KDF1: variants seen among roughly 807,000 people sequenced by gnomAD.
KDF1 encodes the protein RP11-344H11.3.
A neutral mutation model predicts 31.6 loss-of-function variants in KDF1; 11 were observed. The observed-to-expected ratio is 0.35, with a 90% CI of 0.22 to 0.58. KDF1 has a LOEUF of 0.58. KDF1 is among the 20% of genes least tolerant of loss of function. The pLI is 0.83. For missense variants in KDF1, 476 were observed against 549.1 expected, an observed-to-expected ratio of 0.87 and a Z score of 1.33; for synonymous variants, 205 against 214.4, an observed-to-expected ratio of 0.96 and a Z score of 0.38.
At chr1:26,955,897 G>A (rs1406561699) in intron 1 of KDF1, among the ~76,000 whole-genome samples, 1 of 152,230 alleles carries the variant, frequency 6.6e-6, no homozygotes, top group Admixed American at 6.5e-5. Flanking sequence ...GGAGGTTGCA[G>A]TGAGCCCAGA....
chr1:26,953,616 G>C (rs1173563214), intron 1 of KDF1, among the ~76,000 whole-genome samples: 1 of 152,194 alleles, frequency 6.6e-6, no homozygotes, highest in African/African-American at 2.4e-5. Flanking sequence ...CTGCAACATG[G>C]ATGAACCTTG....
At chr1:26,955,151 C>T (rs575698395) in intron 1 of KDF1, among the ~76,000 whole-genome samples, 3 of 152,252 alleles carry the variant, frequency 2.0e-5, no homozygotes, top group African/African-American at 7.2e-5. Flanking sequence ...AGCCACTGCA[C>T]CCAGCCTACT....
Position 26,949,671 on chromosome 1 carries a change from C to T in KDF1, c.*398G>A. ...AGTGGGCCCTGCCCACCCCCCAATACAATACATTTAAGATAAGCTTCTTTT... is the reference window on the plus strand; with the variant it reads ...AGTGGGCCCTGCCCACCCCCCAATATAATACATTTAAGATAAGCTTCTTTT... On this transcript the variant is annotated 3_prime_UTR_variant, in exon 4 of 4. Transcript: ENST00000320567. 4.5e-6 allele frequency: 1 copy of T among 219,976 alleles called. No homozygotes were observed. Among genetic ancestry groups the T allele is most frequent in the Non-Finnish European group, 9.2e-6 (1 of 109,242 alleles). 13.6% of individuals were successfully genotyped at this position (219,976 alleles called of 1,614,324 possible). A position where few individuals can be genotyped will look rare whatever the true frequency, so the allele number is the denominator to read the frequency against.
In KDF1 at chr1:26,950,975, A is replaced by T. The variant is rs951502131; in HGVS notation, c.1040-219T>A. 2.6e-5 allele frequency among the ~76,000 whole-genome samples: 4 copies of T among 152,152 alleles called. No individual in the cohort carries two copies. The highest frequency in any genetic ancestry group is 4.4e-5 in the Non-Finnish European group (3 of 68,020). On this transcript the variant is annotated intron_variant, in intron 2 of 3. Coordinates refer to ENST00000320567, the MANE Select transcript of KDF1 (RefSeq NM_152365.3). The surrounding 1 kb of genome is among the most constrained non-coding windows in gnomAD (Gnocchi z 4.0). ...CAGAACAGGTCAGAGGCCCAAATTCATGTGGGTCCCTAGGTCCTGTTCACC... is the reference window on the plus strand; with the variant it reads ...CAGAACAGGTCAGAGGCCCAAATTCTTGTGGGTCCCTAGGTCCTGTTCACC...
Position 26,951,495 on chromosome 1 carries a change from G to A in KDF1, c.886C>T (p.Arg296Cys), listed in dbSNP as rs1468559178. 4 of 1,613,440 alleles carry A rather than the reference G, an allele frequency of 2.5e-6. No individual in the cohort carries two copies. The highest frequency in any genetic ancestry group is 2.2e-5 in the East Asian group (1 of 44,870). ...YHLDEQDAEG[R>C]LVRGIIRIST... ...ATGCGAATGATGCCGCGTACCAGGC[G>A]GCCCTCAGCATCCTGCTCATCCAGG... is the stretch of plus-strand genomic sequence containing the variant. Residue 296 changes from arginine to cysteine, a missense_variant, in exon 2 of 4, where the codon CGC (arginine) becomes TGC (cysteine). Arg to Cys is a radical substitution (Grantham distance 180). Coordinates refer to ENST00000320567, the MANE Select transcript of KDF1 (RefSeq NM_152365.3). This position sits in a 1 kb window ranked among gnomAD's most constrained non-coding sequence, Gnocchi z 5.4.
In KDF1 at chr1:26,950,286, A is replaced by G. The variant is rs929993692; in HGVS notation, c.1115-135T>C. ...GGGTCAGTCTGATCCTGGCTGGATG[A>G]CCCACTCAGTTTATTGACCTCTCTG... On this transcript the variant is annotated intron_variant, in intron 3 of 3. Transcript: ENST00000320567. This position sits in a 1 kb window ranked among gnomAD's most constrained non-coding sequence, Gnocchi z 4.0. The G allele has an allele frequency of 7.8e-6, 6 of 768,290 alleles. No homozygotes were observed. Among genetic ancestry groups the G allele is most frequent in the East Asian group, 7.8e-5 (3 of 38,500 alleles). 47.6% of individuals were successfully genotyped at this position (768,290 alleles called of 1,614,324 possible). A position where few individuals can be genotyped will look rare whatever the true frequency, so the allele number is the denominator to read the frequency against.
Position 26,952,597 on chromosome 1 carries a change from G to GCC in KDF1, c.-32-186_-32-185insGG. ...GTATGCCCAAAAACCCTTATCTCTTGTGGCCCTCCCTCCACAAAGAGAAAG... is the reference window on the plus strand; with the variant it reads ...GTATGCCCAAAAACCCTTATCTCTTGCCTGGCCCTCCCTCCACAAAGAGAAAG... On this transcript the variant is annotated intron_variant, in intron 1 of 3. Coordinates refer to ENST00000320567, the MANE Select transcript of KDF1 (RefSeq NM_152365.3). The surrounding 1 kb of genome is among the most constrained non-coding windows in gnomAD (Gnocchi z 4.1). Among the ~76,000 whole-genome samples the GCC allele has an allele frequency of 6.6e-6, 1 of 151,122 alleles. No individual in the cohort carries two copies. The highest frequency in any genetic ancestry group is 6.6e-5 in the Admixed American group (1 of 15,190).
Position 26,951,706 on chromosome 1 carries a change from G to A in KDF1, c.675C>T (p.Asp225=), listed in dbSNP as rs369086580. The change falls in exon 2 of 4, where the codon GAC becomes GAT. Residue 225 remains aspartate, a synonymous_variant. Transcript: ENST00000320567. This position sits in a 1 kb window ranked among gnomAD's most constrained non-coding sequence, Gnocchi z 5.4. ...TGGAGCCACTGCCCATCTCCGGCAG[G>A]TCCAGGTCCGACTCATGGAAAGAAT... is the stretch of plus-strand genomic sequence containing the variant. ...EYYSFHESDL[D]LPEMGSGSMS... is the part of the protein sequence containing the mutation. 1 of 1,613,920 alleles carries A rather than the reference G, an allele frequency of 6.2e-7. No homozygotes were observed. The highest frequency in any genetic ancestry group is 8.5e-7 in the Non-Finnish European group (1 of 1,180,032).
chr1:26,950,607 C>A lies in KDF1; in HGVS notation c.1114+75G>T. The A allele has an allele frequency of 8.1e-7, 1 of 1,233,494 alleles. No individual in the cohort carries two copies. The highest frequency in any genetic ancestry group is 1.8e-5 in the Admixed American group (1 of 55,720). The allele number at this position is 1,233,494 out of a possible 1,614,324, so 76.4% of individuals were successfully genotyped here. On this transcript the variant is annotated intron_variant, in intron 3 of 3. Transcript: ENST00000320567. This position sits in a 1 kb window ranked among gnomAD's most constrained non-coding sequence, Gnocchi z 4.0. ...TCATCCTCATCACCCCAAAAGAAAG[C>A]TGGGAGAGCAGCAGGTGAGGGGCCC...
chr1:26,952,152 G>A lies in KDF1; in HGVS notation c.229C>T (p.Leu77Phe). ...PALESPTCCLLWRPWVWEWCR... is the reference protein window; with the variant it reads ...PALESPTCCLFWRPWVWEWCR... ...CACTCCCACACCCAGGGTCGCCAGAGCAGGCAGCAGGTGGGGGACTCAAGG... is the reference window on the plus strand; with the variant it reads ...CACTCCCACACCCAGGGTCGCCAGAACAGGCAGCAGGTGGGGGACTCAAGG... The change falls in exon 2 of 4, where the codon CTC becomes TTC. Residue 77 changes from leucine to phenylalanine, a missense_variant. By Grantham distance (22) the Leu-to-Phe change is conservative. Around this residue, in one of 2 missense-constraint regions of KDF1, gnomAD observed 330 missense variants for 332.3 expected, o/e 0.99. Transcript: ENST00000320567. The surrounding 1 kb of genome is among the most constrained non-coding windows in gnomAD (Gnocchi z 4.1). 2 of 1,613,688 alleles carry A rather than the reference G, an allele frequency of 1.2e-6. No homozygotes were observed. Among genetic ancestry groups the A allele is most frequent in the South Asian group, 2.2e-5 (2 of 91,068 alleles).
chr1:26,954,683 A>G (rs1361241487), intron 1 of KDF1, among the ~76,000 whole-genome samples: 1 of 150,184 alleles, frequency 6.7e-6, no homozygotes, highest in Non-Finnish European at 1.5e-5. Context: ...AAATACAAAA[A>G]TTAGCTAGGT....
In KDF1 at chr1:26,952,131, C is replaced by T. The variant is rs1242618637; in HGVS notation, c.250G>A (p.Glu84Lys). 6.2e-7 allele frequency: 1 copy of T among 1,613,544 alleles called. No homozygotes were observed. The highest frequency in any genetic ancestry group is 1.1e-5 in the South Asian group (1 of 91,076). The stretch of plus-strand genomic sequence containing the variant: ...AAGCAGAAGGCAGCCCGGCACCACT[C>T]CCACACCCAGGGTCGCCAGAGCAGG... Reference protein sequence around the residue: ...CCLLWRPWVWEWCRAAFCFRR... With the variant: ...CCLLWRPWVWKWCRAAFCFRR... The change falls in exon 2 of 4, where the codon GAG becomes AAG. Residue 84 changes from glutamate to lysine, a missense_variant. Physicochemically the swap from Glu to Lys is moderately conservative, Grantham distance 56 (BLOSUM62 1). This residue lies in a region of KDF1 where 330 missense variants were observed against 332.3 expected (regional missense o/e 0.99). Coordinates refer to ENST00000320567, the MANE Select transcript of KDF1 (RefSeq NM_152365.3). This position sits in a 1 kb window ranked among gnomAD's most constrained non-coding sequence, Gnocchi z 4.1.
intron 1 of KDF1, among the ~76,000 whole-genome samples, chr1:26,959,149 G>A (rs1461379767): frequency 6.6e-6 from 1 of 152,196 alleles, no homozygotes; most frequent in Non-Finnish European, 1.5e-5. Flanking sequence ...TTTGCACTGT[G>A]GCCCGCCAGG....
rs1334059938 is a variant in KDF1, at chr1:26,950,925, G to A, written c.1040-169C>T. Among the ~76,000 whole-genome samples the A allele has an allele frequency of 6.6e-6, 1 of 152,192 alleles. No individual in the cohort carries two copies. Among genetic ancestry groups the A allele is most frequent in the Non-Finnish European group, 1.5e-5 (1 of 68,036 alleles). On this transcript the variant is annotated intron_variant, in intron 2 of 3. Coordinates refer to ENST00000320567, the MANE Select transcript of KDF1 (RefSeq NM_152365.3). This position sits in a 1 kb window ranked among gnomAD's most constrained non-coding sequence, Gnocchi z 4.0. Reference sequence around the variant, plus strand: ...ACAACGTGTGCATGCGCAGAGTGATGGATGAGTGGGAGTTTTGGTTAGCCC... The same window carrying A: ...ACAACGTGTGCATGCGCAGAGTGATAGATGAGTGGGAGTTTTGGTTAGCCC...
rs2082359413 is a variant in KDF1 at position 26,952,892 on chromosome 1, G to A, written c.-32-480C>T. On this transcript the variant is annotated intron_variant, in intron 1 of 3. Transcript: ENST00000320567. This position sits in a 1 kb window ranked among gnomAD's most constrained non-coding sequence, Gnocchi z 4.1. ...CCAGCTACTTGGGAGGCTGAGGCAG[G>A]AGAATCGCTTGAACCCGGGTGGCAG... 6.6e-6 allele frequency among the ~76,000 whole-genome samples: 1 copy of A among 151,966 alleles called. No homozygotes were observed. The highest frequency in any genetic ancestry group is 1.5e-5 in the Non-Finnish European group (1 of 68,012).
Position 26,949,733 on chromosome 1 carries a change from T to G in KDF1, c.*336A>C. On this transcript the variant is annotated 3_prime_UTR_variant, in exon 4 of 4. Coordinates refer to ENST00000320567, the MANE Select transcript of KDF1 (RefSeq NM_152365.3). ...TACCCCAGGGAGGGAGAAGTTTGCA[T>G]GATTGGTTAGGGTGGCAATAGGGGG... 3.8e-6 allele frequency: 1 copy of G among 262,910 alleles called. No homozygotes were observed. Among genetic ancestry groups the G allele is most frequent in the Non-Finnish European group, 7.4e-6 (1 of 134,610 alleles). The allele number at this position is 262,910 out of a possible 1,614,324, so 16.3% of individuals were successfully genotyped here.
intron 1 of KDF1, among the ~76,000 whole-genome samples, chr1:26,959,151 C>T (rs1303228371): frequency 6.6e-6 from 1 of 152,184 alleles, no homozygotes; most frequent in Non-Finnish European, 1.5e-5. Context: ...TGCACTGTGG[C>T]CCGCCAGGCT....
Position 26,950,826 on chromosome 1 carries a change from C to G in KDF1, c.1040-70G>C. On this transcript the variant is annotated intron_variant, in intron 2 of 3. Transcript: ENST00000320567. The surrounding 1 kb of genome is among the most constrained non-coding windows in gnomAD (Gnocchi z 4.0). ...TTCAACCCTATTTCCTACTTCTGTT[C>G]CCAGCCCGATGAGGGAGGAGCCACT... 2 of 1,419,250 alleles carry G rather than the reference C, an allele frequency of 1.4e-6. No homozygotes were observed. Among genetic ancestry groups the G allele is most frequent in the Non-Finnish European group, 9.9e-7 (1 of 1,005,478 alleles). The allele number at this position is 1,419,250 out of a possible 1,614,324, so 87.9% of individuals were successfully genotyped here. A position where few individuals can be genotyped will look rare whatever the true frequency, so the allele number is the denominator to read the frequency against.
rs1480669913 is a variant in KDF1 at position 26,950,795 on chromosome 1, C to A, written c.1040-39G>T. ...GTGAGGCAAGCAGTGGTCATTAGCA[C>A]GTTCTTTCAACCCTATTTCCTACTT... On this transcript the variant is annotated intron_variant, in intron 2 of 3. Coordinates refer to ENST00000320567, the MANE Select transcript of KDF1 (RefSeq NM_152365.3). This position sits in a 1 kb window ranked among gnomAD's most constrained non-coding sequence, Gnocchi z 4.0. 1.3e-6 allele frequency: 2 copies of A among 1,576,750 alleles called. No homozygotes were observed. Among genetic ancestry groups the A allele is most frequent in the South Asian group, 2.2e-5 (2 of 90,322 alleles).
Sources: allele counts gnomAD v4.1 joint callset (sites outside exome capture counted in the v4.1 genomes callset), GRCh38; gene constraint gnomAD v4.1.1; regional missense constraint gnomAD v4.1.1; non-coding constraint Gnocchi (gnomAD v3.1); transcripts MANE v1.5; gene names NCBI Gene and HGNC (gene_info 2026-07-23, HGNC 2026-07-21).